CCDC91: variants seen among roughly 807,000 people sequenced by gnomAD.
The protein encoded by CCDC91 is coiled-coil domain-containing protein 91.
A neutral mutation model predicts 63.2 loss-of-function variants in CCDC91; 48 were observed. The observed-to-expected ratio is 0.76, with a 90% CI of 0.60 to 0.97. The LOEUF is 0.97. Among genes scored for constraint, CCDC91 ranks in the 50% least tolerant of loss-of-function variants. The pLI, the probability that CCDC91 is intolerant of heterozygous loss-of-function variation, is 0.00. For synonymous variants in CCDC91, 167 were observed against 165.8 expected, an observed-to-expected ratio of 1.01 and a Z score of -0.06; for missense variants, 500 against 494.6, an observed-to-expected ratio of 1.01 and a Z score of -0.10.
intron 8 of CCDC91, among the ~76,000 whole-genome samples, chr12:28,396,135 G>T (rs1287005906): frequency 6.6e-6 from 1 of 152,160 alleles, no homozygotes; most frequent in Non-Finnish European, 1.5e-5. Context: ...AGACTTATAG[G>T]ACTAATGATG....
intron 12 of CCDC91, among the ~76,000 whole-genome samples, chr12:28,512,208 G>A (rs1027136391): frequency 1.3e-5 from 2 of 151,462 alleles, no homozygotes; most frequent in African/African-American, 4.8e-5. Flanking sequence ...TATTTGCAAG[G>A]GAAAAAGTAC....
chr12:28,485,470 A>G (rs1398071973), intron 12 of CCDC91, among the ~76,000 whole-genome samples: 1 of 152,116 alleles, frequency 6.6e-6, no homozygotes, highest in Non-Finnish European at 1.5e-5. Flanking sequence ...CCAGCCATCC[A>G]GTGCTGTTAA....
intron 7 of CCDC91, among the ~76,000 whole-genome samples, chr12:28,380,153 A>G (rs1394791600): frequency 6.6e-6 from 1 of 152,022 alleles, no homozygotes; most frequent in Non-Finnish European, 1.5e-5. Context: ...GAAGGGGAAC[A>G]TCACACACCA....
At chr12:28,514,472 T>G (rs1939717390) in intron 12 of CCDC91, among the ~76,000 whole-genome samples, 1 of 151,768 alleles carries the variant, frequency 6.6e-6, no homozygotes, top group Non-Finnish European at 1.5e-5. Flanking sequence ...TTGTTTGTTT[T>G]TTGTTTTGTT....
At chr12:28,432,829 T>C (rs1291277337) in intron 8 of CCDC91, among the ~76,000 whole-genome samples, 1 of 152,110 alleles carries the variant, frequency 6.6e-6, no homozygotes, top group Non-Finnish European at 1.5e-5. Context: ...ACCATTTTGG[T>C]TATGCACCAG....
chr12:28,365,040 A>C (rs1944186169), intron 7 of CCDC91, among the ~76,000 whole-genome samples: 1 of 152,216 alleles, frequency 6.6e-6, no homozygotes. Flanking sequence ...CTGATTTAAA[A>C]GTATTTATAT....
intron 6 of CCDC91, among the ~76,000 whole-genome samples, chr12:28,320,270 CTATG>C (rs781517591): frequency 2.0e-5 from 3 of 151,806 alleles, no homozygotes; most frequent in Non-Finnish European, 4.4e-5. Context: ...CTTTAGAGGG[CTATG>C]TTTTATCTTC....
chr12:28,476,291 A>G (rs1220824125), intron 11 of CCDC91, among the ~76,000 whole-genome samples: 23 of 152,156 alleles, frequency 1.5e-4, no homozygotes, highest in Admixed American at 1.3e-4. Context: ...CCACAGTGCA[A>G]TCAAACTAGA....
chr12:28,412,189 T>A (rs1947359343), intron 8 of CCDC91, among the ~76,000 whole-genome samples: 1 of 152,218 alleles, frequency 6.6e-6, no homozygotes, highest in Admixed American at 6.5e-5. Context: ...CACTCTATGA[T>A]GTTCACACAA....
intron 6 of CCDC91, among the ~76,000 whole-genome samples, chr12:28,312,011 T>G (rs1423455958): frequency 6.6e-6 from 1 of 152,078 alleles, no homozygotes; most frequent in East Asian, 1.9e-4. Flanking sequence ...TTTGTTTTAA[T>G]AAAATGTCCA....
chr12:28,436,386 T>G (rs185835721), intron 8 of CCDC91, among the ~76,000 whole-genome samples: 2 of 152,004 alleles, frequency 1.3e-5, no homozygotes, highest in East Asian at 3.9e-4. Flanking sequence ...AATAACATAA[T>G]GATTCAAATT....
chr12:28,370,877 A>C (rs904010028), intron 7 of CCDC91, among the ~76,000 whole-genome samples: 2 of 152,098 alleles, frequency 1.3e-5, no homozygotes, highest in African/African-American at 4.8e-5. Context: ...GTCAGATCTC[A>C]TGAGAACTCA....
intron 6 of CCDC91, among the ~76,000 whole-genome samples, chr12:28,326,760 G>C (rs1941047915): frequency 6.6e-6 from 1 of 151,980 alleles, no homozygotes; most frequent in South Asian, 2.1e-4. Context: ...AACAAGTGAT[G>C]ATAAATGAAA....
At chr12:28,344,973 C>G (rs966625202) in intron 6 of CCDC91, among the ~76,000 whole-genome samples, 2 of 152,078 alleles carry the variant, frequency 1.3e-5, no homozygotes, top group African/African-American at 4.8e-5. Context: ...GCCACCTCAT[C>G]ATTAGAAATT....
chr12:28,414,423 A>G, intron 8 of CCDC91, among the ~76,000 whole-genome samples: 2 of 152,300 alleles, frequency 1.3e-5, no homozygotes, highest in Middle Eastern at 3.4e-3. Context: ...CTATTTAAAT[A>G]TTAATATATG....
chr12:28,451,937 A>G (rs1949821226), intron 10 of CCDC91, among the ~76,000 whole-genome samples: 1 of 151,674 alleles, frequency 6.6e-6, no homozygotes, highest in Non-Finnish European at 1.5e-5. Flanking sequence ...TTTAACACAG[A>G]AGGAAGAAAT....
At chr12:28,481,569 A>G (rs1351262983) in intron 11 of CCDC91, among the ~76,000 whole-genome samples, 1 of 152,080 alleles carries the variant, frequency 6.6e-6, no homozygotes, top group Non-Finnish European at 1.5e-5. Context: ...ACATGCAAGC[A>G]GATATTCACA....
chr12:28,500,773 C>A (rs774715275), intron 12 of CCDC91, among the ~76,000 whole-genome samples: 14 of 151,626 alleles, frequency 9.2e-5, no homozygotes, highest in Non-Finnish European at 4.4e-5. Context: ...TAGATGTATT[C>A]CATAGATATT....
chr12:28,332,401 A>G (rs768339849), intron 6 of CCDC91, among the ~76,000 whole-genome samples: 1 of 152,190 alleles, frequency 6.6e-6, no homozygotes, highest in Non-Finnish European at 1.5e-5. Context: ...TTCAGAAAAG[A>G]GCATCCTAAG....
Sources: allele counts gnomAD v4.1 joint callset (sites outside exome capture counted in the v4.1 genomes callset), GRCh38; gene constraint gnomAD v4.1.1; transcripts MANE v1.5; gene names NCBI Gene and HGNC (gene_info 2026-07-23, HGNC 2026-07-21).